Variants in METTL24 observed in about 807,000 individuals in gnomAD.
The protein encoded by METTL24 is probable methyltransferase-like protein 24.
Under a neutral mutation model 32.7 loss-of-function variants are expected in METTL24, and 29 were observed. That is an observed-to-expected ratio of 0.89 (90% CI 0.66 to 1.21). The LOEUF (loss-of-function observed/expected upper bound fraction) is 1.21, where lower values mean the gene tolerates loss of function less well. Among genes scored for constraint, METTL24 ranks in the 50% most tolerant of loss-of-function variants. The pLI is 0.00. For missense variants in METTL24, 439 were observed against 468.1 expected (o/e 0.94, Z 0.57); for synonymous variants, 163 against 179.5 (o/e 0.91, Z 0.73).
chr6:110,316,418 T>A (rs1245123866), intron 2 of METTL24, among the ~76,000 whole-genome samples: 1 of 152,244 alleles, frequency 6.6e-6, no homozygotes, highest in Non-Finnish European at 1.5e-5. Context: ...ATATTTACCT[T>A]ACTGAGCAAC....
At chr6:110,343,061 T>C (rs1772391708) in intron 1 of METTL24, among the ~76,000 whole-genome samples, 2 of 152,212 alleles carry the variant, frequency 1.3e-5, no homozygotes, top group South Asian at 2.1e-4. Context: ...CTTAGGTATA[T>C]ACCTGGAATG....
chr6:110,266,091 G>C (rs1770853329), intron 4 of METTL24, among the ~76,000 whole-genome samples: 1 of 151,890 alleles, frequency 6.6e-6, no homozygotes, highest in African/African-American at 2.4e-5. Flanking sequence ...TTTTTGTAGA[G>C]ATGGGGTCTT....
intron 3 of METTL24, among the ~76,000 whole-genome samples, chr6:110,302,474 TAC>T (rs1275664679): frequency 2.5e-5 from 2 of 79,336 alleles, no homozygotes; most frequent in East Asian, 3.0e-4. Context: ...TGTGTATATA[TAC>T]ACATATACAC....
chr6:110,339,793 G>A (rs1392122039), intron 1 of METTL24, among the ~76,000 whole-genome samples: 1 of 152,078 alleles, frequency 6.6e-6, no homozygotes, highest in Admixed American at 6.5e-5. Context: ...CTTTGGATAT[G>A]GGGCTTCTAC....
chr6:110,284,637 G>A (rs1771189647), intron 4 of METTL24, among the ~76,000 whole-genome samples: 1 of 151,976 alleles, frequency 6.6e-6, no homozygotes, highest in South Asian at 2.1e-4. Flanking sequence ...TATTATGGTT[G>A]AATTTGACAT....
At chr6:110,270,434 C>T (rs943870786) in intron 4 of METTL24, among the ~76,000 whole-genome samples, 4 of 152,018 alleles carry the variant, frequency 2.6e-5, no homozygotes, top group Non-Finnish European at 5.9e-5. Context: ...CCCCAGTGTG[C>T]GTACACCATT....
Position 110,298,999 on chromosome 6 carries a change from GATGGGGATCCCGCCAGTCA to G in METTL24, c.690_708del (p.Asp231GlnfsTer19). On this transcript the variant is annotated frameshift_variant, in exon 4 of 5. Coordinates refer to ENST00000338882, the MANE Select transcript of METTL24 (RefSeq NM_001123364.3). LOFTEE classifies it high-confidence loss of function. Reference sequence around the variant, plus strand: ...TGTGGTTTTTGGGCAGCAACAGCTGGATGGGGATCCCGCCAGTCAATGGACAAGCGGTGATACCAAAGGT... The same window carrying G: ...TGTGGTTTTTGGGCAGCAACAGCTGGATGGACAAGCGGTGATACCAAAGGT... 1 of 1,614,190 alleles carries G rather than the reference GATGGGGATCCCGCCAGTCA, an allele frequency of 6.2e-7. No homozygotes were observed.
chr6:110,349,290 C>T (rs112537321), intron 1 of METTL24, among the ~76,000 whole-genome samples: 2,007 of 152,286 alleles, frequency 0.013, 44 homozygotes, highest in African/African-American at 0.046. Context: ...ATGTGTGTTG[C>T]TTCCAGGCTA....
intron 4 of METTL24, among the ~76,000 whole-genome samples, chr6:110,265,128 GGAAAGAAAGAAA>G (rs56782773): frequency 0.31 from 36,574 of 117,398 alleles, 6,085 homozygotes; most frequent in South Asian, 0.35. Flanking sequence ...TAATAAAAAA[GGAAAGAAAGAAA>G]GAAAGAAAGA....
chr6:110,263,089 T>C (rs1770780705), intron 4 of METTL24, among the ~76,000 whole-genome samples: 1 of 152,174 alleles, frequency 6.6e-6, no homozygotes, highest in African/African-American at 2.4e-5. Flanking sequence ...TCACCACTCC[T>C]ATTCAACATA....
chr6:110,329,284 G>A, intron 1 of METTL24, among the ~76,000 whole-genome samples: 1 of 152,154 alleles, frequency 6.6e-6, no homozygotes, highest in Non-Finnish European at 1.5e-5. Flanking sequence ...AATGAACAAG[G>A]AACTAGGTTG....
At chr6:110,326,236 C>T (rs1772014021) in intron 1 of METTL24, among the ~76,000 whole-genome samples, 1 of 152,204 alleles carries the variant, frequency 6.6e-6, no homozygotes. Context: ...CAAGAGGAAG[C>T]TGAACAGACA....
At chr6:110,357,762 G>A in intron 1 of METTL24, 193 bp downstream of exon 1, 1 of 222,024 alleles carries the variant, frequency 4.5e-6, no homozygotes, top group Middle Eastern at 1.5e-3. Context: ...CCGCTTGGCC[G>A]CACTTCAGTC....
At position 110,358,021 on chromosome 6, in the gene METTL24, CGGCGGCGCCCGGCGACCGCT is replaced by C. The variant is rs1188457315; in HGVS notation, c.232_251del (p.Ser78GlyfsTer42). 9 of 1,134,300 alleles carry C rather than the reference CGGCGGCGCCCGGCGACCGCT, an allele frequency of 7.9e-6. No individual in the cohort carries two copies. The highest frequency in any genetic ancestry group is 9.7e-6 in the Non-Finnish European group (9 of 926,248). 70.3% of individuals were successfully genotyped at this position (1,134,300 alleles called of 1,614,324 possible). A position where few individuals can be genotyped will look rare whatever the true frequency, so the allele number is the denominator to read the frequency against. ...CCGGCGTCCCGCTCCCGCCGCCCCCCGGCGGCGCCCGGCGACCGCTGCGCACGTAGGTCACCTGCCTCCTG... is the reference window on the plus strand; with the variant it reads ...CCGGCGTCCCGCTCCCGCCGCCCCCCGCGCACGTAGGTCACCTGCCTCCTG... On this transcript the variant is annotated frameshift_variant, in exon 1 of 5. Transcript: ENST00000338882. LOFTEE classifies it high-confidence loss of function.
At chr6:110,312,427 A>G (rs1307845104) in intron 3 of METTL24, among the ~76,000 whole-genome samples, 1 of 152,236 alleles carries the variant, frequency 6.6e-6, no homozygotes, top group African/African-American at 2.4e-5. Context: ...ACTATTCACA[A>G]TAACTAAGAC....
chr6:110,308,996 C>T (rs553409551), intron 3 of METTL24, among the ~76,000 whole-genome samples: 1 of 152,230 alleles, frequency 6.6e-6, no homozygotes, highest in South Asian at 2.1e-4. Flanking sequence ...GTGACTGCTA[C>T]TGGGTACAGA....
chr6:110,296,781 G>A (rs1285768748), intron 4 of METTL24, among the ~76,000 whole-genome samples: 1 of 152,126 alleles, frequency 6.6e-6, no homozygotes, highest in Non-Finnish European at 1.5e-5. Context: ...AGGCAGAAAC[G>A]CTGACATTTG....
At chr6:110,355,025 C>G (rs1468888315) in intron 1 of METTL24, among the ~76,000 whole-genome samples, 1 of 152,162 alleles carries the variant, frequency 6.6e-6, no homozygotes, top group Non-Finnish European at 1.5e-5. Context: ...CTTTCACATA[C>G]TGGGGTCTCA....
intron 4 of METTL24, among the ~76,000 whole-genome samples, chr6:110,296,959 A>G (rs1771430888): frequency 6.6e-6 from 1 of 151,914 alleles, no homozygotes; most frequent in South Asian, 2.1e-4. Context: ...AAGGAAAGCA[A>G]TCACTCGCTG....
Sources: gnomAD v4.1 joint callset for allele counts (sites outside exome capture counted in the v4.1 genomes callset) on GRCh38, gnomAD v4.1.1 for gene constraint, MANE v1.5 for transcripts, NCBI Gene and HGNC (gene_info 2026-07-23, HGNC 2026-07-21) for gene names.